FOCAD: variants seen among roughly 807,000 people sequenced by gnomAD.
The protein encoded by FOCAD is KIAA1797.
FOCAD carries 198 observed loss-of-function variants against 225.6 expected under a neutral mutation model. The observed-to-expected ratio is 0.88, with a 90% CI of 0.78 to 0.99. FOCAD has a LOEUF of 0.99. Ranked by LOEUF, FOCAD falls within the 50% of genes least tolerant of loss-of-function variation. The pLI is 0.00. For missense variants in FOCAD, 2,713 were observed against 2,123.6 expected, an observed-to-expected ratio of 1.28 and a Z score of -5.46; for synonymous variants, 897 against 755.0, an observed-to-expected ratio of 1.19 and a Z score of -3.08.
At chr9:20,665,729 T>C (rs998996008) in intron 2 of FOCAD, among the ~76,000 whole-genome samples, 2 of 152,228 alleles carry the variant, frequency 1.3e-5, no homozygotes, top group South Asian at 2.1e-4. Flanking sequence ...CAGAATATAA[T>C]TGAAATATAT....
chr9:20,783,208 C>T (rs1819570459), intron 10 of FOCAD, among the ~76,000 whole-genome samples: 2 of 152,146 alleles, frequency 1.3e-5, no homozygotes, highest in African/African-American at 4.8e-5. Flanking sequence ...GTGTGTGAAT[C>T]TTATTATTAA....
rs117191937 is a variant in FOCAD at position 20,714,149 on chromosome 9, A to C, written c.-32-1173A>C. Among the ~76,000 whole-genome samples the C allele has an allele frequency of 1.1e-4, 16 of 152,272 alleles. No homozygotes were observed. In the East Asian group the frequency reaches 2.9e-3, roughly 28 times the overall value. On this transcript the variant is annotated intron_variant, in intron 1 of 43. Transcript: ENST00000338382. Reference sequence around the variant, plus strand: ...GTTTTGGATTTGGATTTAAAAAAAAAATTTTTTTTTGGACTATTTGCATAT... The same window carrying C: ...GTTTTGGATTTGGATTTAAAAAAAACATTTTTTTTTGGACTATTTGCATAT...
chr9:20,679,572 C>T (rs1822338630), upstream of FOCAD, among the ~76,000 whole-genome samples: 1 of 151,998 alleles, frequency 6.6e-6, no homozygotes, highest in Non-Finnish European at 1.5e-5. Flanking sequence ...ATTTTTCTTA[C>T]TCTCTTTTTT....
At chr9:20,789,859 C>G (rs1320277958) in intron 11 of FOCAD, among the ~76,000 whole-genome samples, 1 of 151,792 alleles carries the variant, frequency 6.6e-6, no homozygotes, top group African/African-American at 2.4e-5. Context: ...TGGTGCTATT[C>G]TGGTTCTTCC....
chr9:20,699,908 G>GACATCCT (rs1823800817), intron 1 of FOCAD, among the ~76,000 whole-genome samples: 1 of 146,812 alleles, frequency 6.8e-6, no homozygotes, highest in Non-Finnish European at 1.5e-5. Flanking sequence ...TTATCTGAAA[G>GACATCCT]ACATCCTACA....
chr9:20,707,904 A>C (rs1824523255), intron 1 of FOCAD, among the ~76,000 whole-genome samples: 1 of 152,202 alleles, frequency 6.6e-6, no homozygotes, highest in Non-Finnish European at 1.5e-5. Flanking sequence ...ATTTCATACA[A>C]GGTGATGAAA....
chr9:20,937,702 T>A (rs1033583876), intron 28 of FOCAD, among the ~76,000 whole-genome samples: 1 of 151,918 alleles, frequency 6.6e-6, no homozygotes, highest in Admixed American at 6.5e-5. Context: ...CCAAAAGCAA[T>A]GTCAAGAAAG....
chr9:20,826,198 G>T (rs1176459635), intron 15 of FOCAD, among the ~76,000 whole-genome samples: 1 of 152,090 alleles, frequency 6.6e-6, no homozygotes, highest in African/African-American at 2.4e-5. Context: ...TAACATTTGA[G>T]TCAGTGGACT....
chr9:20,911,359 A>T (rs1833422785), intron 22 of FOCAD, among the ~76,000 whole-genome samples: 1 of 152,126 alleles, frequency 6.6e-6, no homozygotes, highest in Non-Finnish European at 1.5e-5. Flanking sequence ...TGCTAAATAC[A>T]CAAACTCTGT....
intron 5 of FOCAD, among the ~76,000 whole-genome samples, chr9:20,743,602 A>C (rs1250535057): frequency 6.6e-6 from 1 of 152,156 alleles, no homozygotes; most frequent in South Asian, 2.1e-4. Flanking sequence ...TATTGTACCT[A>C]GAGCTTAGTT....
intron 35 of FOCAD, among the ~76,000 whole-genome samples, chr9:20,965,978 G>A (rs188958869): frequency 5.3e-5 from 8 of 152,192 alleles, no homozygotes; most frequent in African/African-American, 1.4e-4. Context: ...TGCAAGTGAT[G>A]CTGTTATGAA....
intron 5 of FOCAD, among the ~76,000 whole-genome samples, chr9:20,749,837 T>A (rs1250584804): frequency 6.6e-6 from 1 of 152,142 alleles, no homozygotes; most frequent in Admixed American, 6.6e-5. Context: ...TTGATTTGCC[T>A]ATCACAGACT....
chr9:20,939,742 A>AT (rs753247977), intron 28 of FOCAD, among the ~76,000 whole-genome samples: 2 of 128,346 alleles, frequency 1.6e-5, no homozygotes, highest in African/African-American at 2.9e-5. Flanking sequence ...AATTTATTTT[A>AT]TTTTTTTTCT....
chr9:20,892,984 A>G (rs1831753678), intron 21 of FOCAD, among the ~76,000 whole-genome samples: 1 of 152,098 alleles, frequency 6.6e-6, no homozygotes, highest in African/African-American at 2.4e-5. Context: ...AAAGATTTAT[A>G]TAATTATTTA....
At chr9:20,677,767 C>T (rs1010635227) in intron 2 of FOCAD, among the ~76,000 whole-genome samples, 7 of 152,128 alleles carry the variant, frequency 4.6e-5, no homozygotes, top group African/African-American at 7.2e-5. Context: ...GATAGAAAAC[C>T]GTGTGGAGGT....
intron 23 of FOCAD, among the ~76,000 whole-genome samples, chr9:20,914,478 G>C (rs1388127885): frequency 6.6e-6 from 1 of 152,160 alleles, no homozygotes; most frequent in South Asian, 2.1e-4. Flanking sequence ...ACCATTTTCT[G>C]TACGGTGTTC....
intron 21 of FOCAD, among the ~76,000 whole-genome samples, chr9:20,888,142 T>TTTTTTTTTTTTTTTTC: frequency 7.3e-6 from 1 of 136,690 alleles, no homozygotes; most frequent in South Asian, 2.4e-4. Flanking sequence ...TTTTCTTCTT[T>TTTTTTTTTTTTTTTTC]TTTTTTTTTT....
chr9:20,972,045 C>A (rs539933939), intron 35 of FOCAD, among the ~76,000 whole-genome samples: 1 of 152,184 alleles, frequency 6.6e-6, no homozygotes, highest in African/African-American at 2.4e-5. Context: ...GTGAATAATG[C>A]TGCTATGAAC....
intron 15 of FOCAD, among the ~76,000 whole-genome samples, chr9:20,857,434 A>G (rs1454045666): frequency 2.0e-5 from 3 of 151,756 alleles, no homozygotes; most frequent in African/African-American, 7.3e-5. Context: ...CTGATTTTTG[A>G]ATGTTAATTT....
Sources: allele counts gnomAD v4.1 joint callset (sites outside exome capture counted in the v4.1 genomes callset), GRCh38; gene constraint gnomAD v4.1.1; transcripts MANE v1.5; gene names NCBI Gene and HGNC (gene_info 2026-07-23, HGNC 2026-07-21).